Variants in ST6GALNAC3 observed in about 807,000 individuals in gnomAD.
ST6GALNAC3 encodes the protein ST6 N-acetylgalactosaminide alpha-2,6-sialyltransferase 3, also known as alpha-N-acetylgalactosaminide alpha-2,6-sialyltransferase 3.
Under a neutral mutation model 32.7 loss-of-function variants are expected in ST6GALNAC3, and 25 were observed. The ratio of observed to expected loss-of-function variants is 0.76; its 90% CI spans 0.56 to 1.07. The LOEUF is 1.07. Among genes scored for constraint, ST6GALNAC3 ranks in the 50% least tolerant of loss-of-function variants. The pLI is 0.00. For synonymous variants in ST6GALNAC3, 129 were observed against 133.1 expected (o/e 0.97, Z 0.21); for missense variants, 355 against 382.4 (o/e 0.93, Z 0.60).
At chr1:76,578,179 G>A (rs1485823739) in intron 3 of ST6GALNAC3, among the ~76,000 whole-genome samples, 1 of 151,980 alleles carries the variant, frequency 6.6e-6, no homozygotes, top group African/African-American at 2.4e-5. Flanking sequence ...ATGCTAATGG[G>A]TATCTAATCA....
intron 3 of ST6GALNAC3, among the ~76,000 whole-genome samples, chr1:76,572,579 GCA>G (rs1223684409): frequency 8.5e-5 from 13 of 152,224 alleles, no homozygotes; most frequent in Admixed American, 7.9e-4. Flanking sequence ...ATCACCAGAT[GCA>G]CACAGTTAGC....
intron 1 of ST6GALNAC3, among the ~76,000 whole-genome samples, chr1:76,313,086 C>A (rs1646798336): frequency 6.6e-6 from 1 of 151,970 alleles, no homozygotes; most frequent in South Asian, 2.1e-4. Context: ...CTTACTTTTG[C>A]AAATCCTATA....
chr1:76,223,947 A>C (rs1277101702), intron 1 of ST6GALNAC3, among the ~76,000 whole-genome samples: 2 of 152,196 alleles, frequency 1.3e-5, no homozygotes, highest in Admixed American at 6.5e-5. Context: ...TAGAGGATCC[A>C]GAGTTTGAGT....
Position 76,121,754 on chromosome 1 carries a change from C to A in ST6GALNAC3, c.18+46870C>A, listed in dbSNP as rs1010185506. 2.0e-5 allele frequency among the ~76,000 whole-genome samples: 3 copies of A among 152,224 alleles called. No individual in the cohort carries two copies. In the East Asian group the frequency reaches 5.8e-4, roughly 29 times the overall value. ...AATGTGGGTCAGATCACACCACTGC[C>A]CTGCACACAAACCCTCCAGGAGGTT... On this transcript the variant is annotated intron_variant, in intron 1 of 4. Transcript: ENST00000328299.
intron 1 of ST6GALNAC3, among the ~76,000 whole-genome samples, chr1:76,289,628 A>C (rs774392314): frequency 1.2e-4 from 19 of 152,230 alleles, no homozygotes; most frequent in Non-Finnish European, 1.5e-4. Context: ...AAAGTGGTCC[A>C]GAAACCCCTG....
chr1:76,458,656 A>G (rs903819254), intron 3 of ST6GALNAC3, among the ~76,000 whole-genome samples: 1 of 148,444 alleles, frequency 6.7e-6, no homozygotes, highest in Non-Finnish European at 1.5e-5. Context: ...AACACCACAT[A>G]TTCTCACTCA....
chr1:76,159,252 G>A (rs569919792), intron 1 of ST6GALNAC3, among the ~76,000 whole-genome samples: 10 of 152,238 alleles, frequency 6.6e-5, no homozygotes, highest in African/African-American at 2.4e-4. Flanking sequence ...GCAGTGGCAC[G>A]ATCTTGGCTC....
chr1:76,623,313 C>T (rs1030167683), intron 3 of ST6GALNAC3, among the ~76,000 whole-genome samples: 10 of 151,858 alleles, frequency 6.6e-5, no homozygotes, highest in African/African-American at 1.2e-4. Context: ...AGAGCCTGAC[C>T]GGTAAAATCA....
At chr1:76,097,687 A>G (rs926958801) in intron 1 of ST6GALNAC3, among the ~76,000 whole-genome samples, 1 of 152,122 alleles carries the variant, frequency 6.6e-6, no homozygotes, top group Non-Finnish European at 1.5e-5. Flanking sequence ...TAGTTCATTC[A>G]TCTTACTTGC....
chr1:76,576,691 G>C (rs1446672741), intron 3 of ST6GALNAC3, among the ~76,000 whole-genome samples: 1 of 152,026 alleles, frequency 6.6e-6, no homozygotes, highest in Non-Finnish European at 1.5e-5. Flanking sequence ...CAGATGACAT[G>C]TCAGAAAAAA....
intron 2 of ST6GALNAC3, among the ~76,000 whole-genome samples, chr1:76,411,527 T>C (rs1557864290): frequency 6.6e-6 from 1 of 152,114 alleles, no homozygotes. Flanking sequence ...TATAACCTCA[T>C]TGCTTGCTGA....
intron 1 of ST6GALNAC3, among the ~76,000 whole-genome samples, chr1:76,096,137 G>A (rs746398243): frequency 1.3e-5 from 2 of 152,150 alleles, no homozygotes; most frequent in Non-Finnish European, 2.9e-5. Context: ...CCTGATGCAT[G>A]CAGAAGAATA....
At chr1:76,507,090 G>A (rs1393354809) in intron 3 of ST6GALNAC3, among the ~76,000 whole-genome samples, 1 of 152,098 alleles carries the variant, frequency 6.6e-6, no homozygotes, top group Non-Finnish European at 1.5e-5. Context: ...GAGCTATATC[G>A]CTCAGGAGCT....
intron 1 of ST6GALNAC3, among the ~76,000 whole-genome samples, chr1:76,188,933 C>G (rs908602737): frequency 1.3e-5 from 2 of 152,174 alleles, no homozygotes; most frequent in Non-Finnish European, 2.9e-5. Flanking sequence ...TCCAAAGGAA[C>G]TTTGGAGTAC....
At chr1:76,447,543 G>A (rs764711889) in intron 3 of ST6GALNAC3, among the ~76,000 whole-genome samples, 1 of 152,158 alleles carries the variant, frequency 6.6e-6, no homozygotes, top group Non-Finnish European at 1.5e-5. Context: ...GGGCTTGTCA[G>A]AGGTCTTCAC....
Position 76,476,285 on chromosome 1 carries a change from C to T in ST6GALNAC3, c.623+63868C>T, listed in dbSNP as rs376163106. ...TAGCTTTGCAGGCCACATACGATCTCTATCACATACTTCTTTGTTATTTCT... is the reference window on the plus strand; with the variant it reads ...TAGCTTTGCAGGCCACATACGATCTTTATCACATACTTCTTTGTTATTTCT... On this transcript the variant is annotated intron_variant, in intron 3 of 4. Transcript: ENST00000328299. Among the ~76,000 whole-genome samples the T allele has an allele frequency of 1.8e-4, 27 of 152,302 alleles. 1 individual carries two copies. The highest frequency in any genetic ancestry group is 6.5e-4 in the African/African-American group (27 of 41,576).
At chr1:76,616,993 T>C (rs1051870771) in intron 3 of ST6GALNAC3, among the ~76,000 whole-genome samples, 10 of 152,206 alleles carry the variant, frequency 6.6e-5, no homozygotes, top group Non-Finnish European at 1.5e-4. Flanking sequence ...CTGAGGCTCA[T>C]TTAACAATGA....
intron 3 of ST6GALNAC3, among the ~76,000 whole-genome samples, chr1:76,447,890 G>C (rs187609916): frequency 6.6e-6 from 1 of 152,300 alleles, no homozygotes; most frequent in Non-Finnish European, 1.5e-5. Context: ...ACCTGTGCTA[G>C]TGTAGTGTGA....
chr1:76,447,282 G>T lies in ST6GALNAC3; in HGVS notation c.623+34865G>T, dbSNP rs142900180. 9.5e-3 allele frequency among the ~76,000 whole-genome samples: 1,453 copies of T among 152,264 alleles called. 15 individuals are homozygous for T. The highest frequency in any genetic ancestry group is 0.037 in the Middle Eastern group (11 of 294). On this transcript the variant is annotated intron_variant, in intron 3 of 4. Coordinates refer to ENST00000328299, the MANE Select transcript of ST6GALNAC3 (RefSeq NM_152996.4). ...AATTTGTGGAACTTTGAACTTGAGG[G>T]AGATGATTTAGGGCATCTGGCAGAA...
Sources: gnomAD v4.1 joint callset for allele counts (sites outside exome capture counted in the v4.1 genomes callset) on GRCh38, gnomAD v4.1.1 for gene constraint, MANE v1.5 for transcripts, NCBI Gene and HGNC (gene_info 2026-07-23, HGNC 2026-07-21) for gene names.